The following ABCC1 variants were observed in gnomAD, a reference collection of about 807,000 sequenced individuals.
ABCC1 encodes the protein multidrug resistance-associated protein 1.
A neutral mutation model predicts 172.9 loss-of-function variants in ABCC1; 83 were observed. That is an observed-to-expected ratio of 0.48 (90% CI 0.40 to 0.58). ABCC1 has a LOEUF of 0.58. Ranked by LOEUF, ABCC1 falls within the 20% of genes least tolerant of loss-of-function variation. The probability of loss-of-function intolerance (pLI) is 0.00; values close to 1 mark genes in which losing one functional copy is unlikely to be tolerated. For synonymous variants in ABCC1, 937 were observed against 825.2 expected (o/e 1.14, Z -2.32); for missense variants, 1,817 against 2,002.7 (o/e 0.91, Z 1.77).
chr16:15,985,258 C>T (rs2046717487), intron 1 of ABCC1, among the ~76,000 whole-genome samples: 1 of 152,162 alleles, frequency 6.6e-6, no homozygotes, highest in Non-Finnish European at 1.5e-5. Context: ...TAGAAATGCC[C>T]TGGGAGGGCA....
At chr16:16,036,256 A>G (rs1478841843) in intron 6 of ABCC1, among the ~76,000 whole-genome samples, 2 of 150,158 alleles carry the variant, frequency 1.3e-5, no homozygotes, top group Non-Finnish European at 3.0e-5. Context: ...TTTTTCCTGC[A>G]TGACCCAACA....
Position 16,071,632 on chromosome 16 carries a change from C to G in ABCC1, c.1825-10C>G, listed in dbSNP as rs760518750. 2.5e-6 allele frequency: 4 copies of G among 1,612,804 alleles called. No individual in the cohort carries two copies. The highest frequency in any genetic ancestry group is 2.2e-5 in the South Asian group (2 of 90,914). ...AAAATAACTCTCCCCTGCCATTGCTCTCTGTACAGGCGAGTGTCTCCCTCA... is the reference window on the plus strand; with the variant it reads ...AAAATAACTCTCCCCTGCCATTGCTGTCTGTACAGGCGAGTGTCTCCCTCA... On this transcript the variant is annotated splice_polypyrimidine_tract_variant and intron_variant, in intron 13 of 30. Coordinates refer to ENST00000399410, the MANE Select transcript of ABCC1 (RefSeq NM_004996.4).
At chr16:16,023,540 T>G (rs1314255668) in intron 5 of ABCC1, among the ~76,000 whole-genome samples, 2 of 152,170 alleles carry the variant, frequency 1.3e-5, no homozygotes, top group African/African-American at 4.8e-5. Context: ...TTTCCATTTC[T>G]CCGTCATGCT....
At position 16,090,605 on chromosome 16, in the gene ABCC1, G is replaced by T. The variant is rs763163633; in HGVS notation, c.2644+17G>T. On this transcript the variant is annotated intron_variant, in intron 19 of 30. Transcript: ENST00000399410. The stretch of plus-strand genomic sequence containing the variant: ...AGGAGAACGGTAGGGGCAGCCCCAG[G>T]GTTCCACCCACTCAGGGTGTCTGGC... The T allele has an allele frequency of 3.2e-6, 5 of 1,555,460 alleles. No homozygotes were observed. Among genetic ancestry groups the T allele is most frequent in the South Asian group, 2.4e-5 (2 of 85,004 alleles).
intron 12 of ABCC1, chr16:16,056,542 G>C: frequency 1.9e-6 from 1 of 528,852 alleles, no homozygotes; most frequent in Non-Finnish European, 3.4e-6. Flanking sequence ...GGTGGCGCAT[G>C]CCTGTAGTCC....
chr16:16,047,318 G>T (rs951224605), intron 9 of ABCC1, among the ~76,000 whole-genome samples: 1 of 152,102 alleles, frequency 6.6e-6, no homozygotes, highest in Non-Finnish European at 1.5e-5. Flanking sequence ...TTGAGACAGG[G>T]TCTCGCTCTG....
At chr16:16,101,125 G>A (rs1331633806) in intron 19 of ABCC1, among the ~76,000 whole-genome samples, 4 of 151,780 alleles carry the variant, frequency 2.6e-5, no homozygotes, top group Non-Finnish European at 2.9e-5. Context: ...TCCGCCTCCC[G>A]GGTTCAAGCA....
chr16:16,121,697 G>A (rs1367130771), intron 23 of ABCC1, among the ~76,000 whole-genome samples: 1 of 152,174 alleles, frequency 6.6e-6, no homozygotes, highest in African/African-American at 2.4e-5. Flanking sequence ...TTTTTTGTGA[G>A]GATTGAATGA....
chr16:16,006,212 G>C (rs1046061071), intron 1 of ABCC1, among the ~76,000 whole-genome samples: 1 of 152,114 alleles, frequency 6.6e-6, no homozygotes, highest in African/African-American at 2.4e-5. Flanking sequence ...AGGGTAGTAA[G>C]TTTTCCCAAA....
chr16:15,962,035 G>T (rs1019244340), intron 1 of ABCC1, among the ~76,000 whole-genome samples: 1 of 152,172 alleles, frequency 6.6e-6, no homozygotes, highest in Non-Finnish European at 1.5e-5. Context: ...TACTGCAGCA[G>T]TTTATACTCC....
chr16:16,117,205 C>T (rs1295646833), intron 23 of ABCC1, among the ~76,000 whole-genome samples: 2 of 152,168 alleles, frequency 1.3e-5, no homozygotes, highest in Non-Finnish European at 2.9e-5. Flanking sequence ...CTCACAGTTC[C>T]GCATGGCTGA....
rs754576104 is a variant in ABCC1, at chr16:16,131,916, C to T, written c.3947C>T (p.Thr1316Met). Residue 1316 changes from threonine to methionine, a missense_variant, in exon 27 of 31, where the codon ACG (threonine) becomes ATG (methionine). This residue lies in a region of ABCC1 where 1,412 missense variants were observed against 1,600.3 expected (regional missense o/e 0.88). Coordinates refer to ENST00000399410, the MANE Select transcript of ABCC1 (RefSeq NM_004996.4). ...TTCGTTCTCAGGCACATCAATGTCA[C>T]GATCAATGGGGGAGAAAAGGTGGGT... Reference protein sequence around the residue: ...LDFVLRHINVTINGGEKVGIV... With the variant: ...LDFVLRHINVMINGGEKVGIV... 3.0e-5 allele frequency: 49 copies of T among 1,613,846 alleles called. No homozygotes were observed. Among genetic ancestry groups the T allele is most frequent in the East Asian group, 6.7e-5 (3 of 44,872 alleles).
rs1395966407 is a variant in ABCC1, at chr16:16,083,541, A to G, written c.2291A>G (p.Lys764Arg). The G allele has an allele frequency of 1.2e-6, 2 of 1,610,358 alleles. No homozygotes were observed. The highest frequency in any genetic ancestry group is 1.1e-5 in the South Asian group (1 of 90,982). ...GGGGATCGGACAGAGATTGGCGAGAAGGTCAGTATAGGTTGGATGTTGGCC... is the reference window on the plus strand; with the variant it reads ...GGGGATCGGACAGAGATTGGCGAGAGGGTCAGTATAGGTTGGATGTTGGCC... ...PSGDRTEIGE[K>R]GVNLSGGQKQ... Residue 764 changes from lysine to arginine, a missense_variant and splice_region_variant, in exon 17 of 31, where the codon AAG becomes AGG. Physicochemically the swap from Lys to Arg is conservative, Grantham distance 26. Coordinates refer to ENST00000399410, the MANE Select transcript of ABCC1 (RefSeq NM_004996.4).
At chr16:15,971,687 G>A (rs190730183) in intron 1 of ABCC1, among the ~76,000 whole-genome samples, 17 of 152,266 alleles carry the variant, frequency 1.1e-4, no homozygotes, top group Non-Finnish European at 1.3e-4. Context: ...AAGGGTCCTC[G>A]GAAGAATGGC....
intron 20 of ABCC1, among the ~76,000 whole-genome samples, chr16:16,103,202 C>T (rs993181478): frequency 1.1e-4 from 17 of 152,026 alleles, no homozygotes; most frequent in Admixed American, 1.1e-3. Context: ...AGGAAGTATG[C>T]TCGTGTTTGA....
Position 16,045,913 on chromosome 16 carries a change from C to G in ABCC1, c.1118C>G (p.Thr373Ser). The G allele has an allele frequency of 6.2e-7, 1 of 1,614,204 alleles. No individual in the cohort carries two copies. ...GYFYTVLLFV[T>S]ACLQTLVLHQ... ...TTCTACACCGTGCTGCTGTTTGTCACTGCCTGCCTGCAGACCCTCGTGCTG... is the reference window on the plus strand; with the variant it reads ...TTCTACACCGTGCTGCTGTTTGTCAGTGCCTGCCTGCAGACCCTCGTGCTG... The change falls in exon 9 of 31, where the codon ACT (threonine) becomes AGT (serine). Residue 373 changes from threonine to serine, a missense_variant. Physicochemically the swap from Thr to Ser is moderately conservative, Grantham distance 58. This residue lies in a region of ABCC1 where 1,412 missense variants were observed against 1,600.3 expected (regional missense o/e 0.88). Transcript: ENST00000399410.
At chr16:16,096,351 C>T (rs113648939) in intron 19 of ABCC1, among the ~76,000 whole-genome samples, 33 of 152,302 alleles carry the variant, frequency 2.2e-4, no homozygotes, top group African/African-American at 7.9e-4. Context: ...CCTAGGCCTT[C>T]TCCCTTGACA....
At chr16:16,097,269 C>T (rs1021586150) in intron 19 of ABCC1, among the ~76,000 whole-genome samples, 10 of 152,156 alleles carry the variant, frequency 6.6e-5, no homozygotes, top group East Asian at 1.9e-4. Flanking sequence ...CCTGCCACCA[C>T]GCCCGGCTAA....
intron 18 of ABCC1, among the ~76,000 whole-genome samples, chr16:16,089,933 C>G (rs2051174045): frequency 6.6e-6 from 1 of 151,674 alleles, no homozygotes; most frequent in South Asian, 2.1e-4. Flanking sequence ...TGGCACCATC[C>G]TTTTATTCCT....
Sources: gnomAD v4.1 joint callset for allele counts (sites outside exome capture counted in the v4.1 genomes callset) on GRCh38, gnomAD v4.1.1 for gene constraint, gnomAD v4.1.1 regional missense constraint, MANE v1.5 for transcripts, NCBI Gene and HGNC (gene_info 2026-07-23, HGNC 2026-07-21) for gene names.